The following NCAPD3 variants were observed in gnomAD, a reference collection of about 807,000 sequenced individuals.
NCAPD3 encodes the protein condensin-2 complex subunit D3.
Under a neutral mutation model 182.9 loss-of-function variants are expected in NCAPD3, and 105 were observed. The observed-to-expected ratio is 0.57, with a 90% CI of 0.49 to 0.68. The LOEUF is 0.68. Among genes scored for constraint, NCAPD3 ranks in the 30% least tolerant of loss-of-function variants. NCAPD3 has a pLI of 0.00. For missense variants in NCAPD3, 1,944 were observed against 1,837.0 expected, an observed-to-expected ratio of 1.06 and a Z score of -1.07; for synonymous variants, 815 against 679.9, an observed-to-expected ratio of 1.20 and a Z score of -3.09.
In NCAPD3 at chr11:134,152,674, G is replaced by T; in HGVS notation, c.*270C>A. ...GATTATAGCTTATCTGAATGGGCTT[G>T]ACACTTTCAAATGGAATAAAGTTAC... On this transcript the variant is annotated 3_prime_UTR_variant, in exon 35 of 35. Transcript: ENST00000534548. 3.0e-6 allele frequency: 1 copy of T among 336,566 alleles called. No homozygotes were observed. The highest frequency in any genetic ancestry group is 5.4e-6 in the Non-Finnish European group (1 of 186,794). 20.8% of individuals were successfully genotyped at this position (336,566 alleles called of 1,614,324 possible).
intron 24 of NCAPD3, among the ~76,000 whole-genome samples, chr11:134,174,126 C>T (rs1304622057): frequency 6.6e-6 from 1 of 152,014 alleles, no homozygotes; most frequent in Non-Finnish European, 1.5e-5. Context: ...TGTGGTGACT[C>T]AAGCCTGTAA....
chr11:134,199,857 A>G (rs1944714130), intron 13 of NCAPD3, among the ~76,000 whole-genome samples: 1 of 152,238 alleles, frequency 6.6e-6, no homozygotes. Flanking sequence ...AATCAACACA[A>G]TGTGGTACAT....
chr11:134,201,851 G>A (rs767477972), intron 13 of NCAPD3, among the ~76,000 whole-genome samples: 4 of 152,172 alleles, frequency 2.6e-5, no homozygotes, highest in Admixed American at 6.5e-5. Context: ...TGTAGTTATC[G>A]CTCTGAATTG....
chr11:134,194,516 T>C (rs932338171), intron 14 of NCAPD3, 149 bp downstream of exon 14: 18 of 530,038 alleles, frequency 3.4e-5, no homozygotes, highest in Admixed American at 1.1e-4. Flanking sequence ...AGTTCGTCTA[T>C]GATTCATATA....
intron 8 of NCAPD3, among the ~76,000 whole-genome samples, chr11:134,205,799 G>A (rs763457698): frequency 6.6e-6 from 1 of 152,180 alleles, no homozygotes; most frequent in South Asian, 2.1e-4. Flanking sequence ...CGAAACGATC[G>A]TGTTTTCACT....
chr11:134,163,273 CAA>C (rs1018337562), intron 27 of NCAPD3, among the ~76,000 whole-genome samples: 1 of 152,144 alleles, frequency 6.6e-6, no homozygotes, highest in Non-Finnish European at 1.5e-5. Flanking sequence ...TGAGCTTTGA[CAA>C]AAGTCTATAT....
intron 27 of NCAPD3, among the ~76,000 whole-genome samples, chr11:134,163,888 A>AAG (rs1555126946): frequency 3.3e-5 from 5 of 150,220 alleles, no homozygotes; most frequent in Admixed American, 6.6e-5. Context: ...AAAAAAAAAA[A>AAG]AAAAGAAAAA....
At chr11:134,179,164 C>T (rs1283377303) in intron 20 of NCAPD3, among the ~76,000 whole-genome samples, 1 of 152,140 alleles carries the variant, frequency 6.6e-6, no homozygotes, top group African/African-American at 2.4e-5. Flanking sequence ...AATCTAGACA[C>T]ATCTGCAAGT....
In NCAPD3 at chr11:134,223,937, C is replaced by T. The variant is rs111253809; in HGVS notation, c.-11G>A. 50 of 1,611,002 alleles carry T rather than the reference C, an allele frequency of 3.1e-5. No homozygotes were observed. Among genetic ancestry groups the T allele is most frequent in the East Asian group, 2.0e-4 (9 of 44,810 alleles). ...CCGCAACGCCACCATGATCCCAGGG[C>T]ACCGGCTCGCCGCCGCCGTGCTCAA... is the stretch of plus-strand genomic sequence containing the variant. On this transcript the variant is annotated 5_prime_UTR_variant, in exon 1 of 35. Transcript: ENST00000534548.
chr11:134,162,774 C>A (rs1308367777), intron 27 of NCAPD3, among the ~76,000 whole-genome samples: 2 of 152,212 alleles, frequency 1.3e-5, no homozygotes, highest in Non-Finnish European at 2.9e-5. Flanking sequence ...CCTTCTCTGT[C>A]CAGGCAAAGA....
chr11:134,156,031 G>C (rs1591818017), intron 32 of NCAPD3, among the ~76,000 whole-genome samples: 1 of 152,202 alleles, frequency 6.6e-6, no homozygotes, highest in Admixed American at 6.5e-5. Flanking sequence ...GTGACTAAAC[G>C]AACGGCAGGA....
chr11:134,158,293 G>C, intron 30 of NCAPD3, 36 bp downstream of exon 30: 1 of 1,610,972 alleles, frequency 6.2e-7, no homozygotes, highest in Non-Finnish European at 8.5e-7. Context: ...TCGCCACAGA[G>C]AACCAGCCCT....
chr11:134,169,141 G>A, intron 24 of NCAPD3, 87 bp from the exon 25 acceptor site: 3 of 1,368,126 alleles, frequency 2.2e-6, no homozygotes, highest in Non-Finnish European at 1.0e-6. Context: ...CTGAGCAGAG[G>A]AGAGCTGTAC....
At position 134,153,182 on chromosome 11, in the gene NCAPD3, C is replaced by T. The variant is rs140903243; in HGVS notation, c.4346G>A (p.Ser1449Asn). ...SSAKEKIEGR[S>N]QGNDILCLSL... is the part of the protein sequence containing the mutation. The stretch of plus-strand genomic sequence containing the variant: ...TAAACATAAGATGTCATTTCCTTGA[C>T]TCCGGCCTTCAATTTTCTCTAAAAG... Residue 1449 changes from serine (S) to asparagine (N), a missense_variant, in exon 34 of 35, where the codon AGT (serine) becomes AAT (asparagine). By Grantham distance (46) the Ser-to-Asn change is conservative. Coordinates refer to ENST00000534548, the MANE Select transcript of NCAPD3 (RefSeq NM_015261.3). 5.3e-5 allele frequency: 86 copies of T among 1,614,064 alleles called. No individual in the cohort carries two copies. The highest frequency in any genetic ancestry group is 7.2e-5 in the Non-Finnish European group (85 of 1,180,020).
Position 134,209,386 on chromosome 11 carries a change from A to G in NCAPD3, c.659T>C (p.Leu220Ser), listed in dbSNP as rs1175927879. 1 of 1,613,892 alleles carries G rather than the reference A, an allele frequency of 6.2e-7. No homozygotes were observed. Among genetic ancestry groups the G allele is most frequent in the Non-Finnish European group, 8.5e-7 (1 of 1,179,884 alleles). Reference protein sequence around the residue: ...SQIRNAIFHLLKNFLRLLPKF... With the variant: ...SQIRNAIFHLSKNFLRLLPKF... ...TGGCAGAAGCCTTAAAAAATTCTTT[A>G]AAAGGTGAAAGATGGCATTTCGAAT... The change falls in exon 5 of 35, where the codon TTA becomes TCA. Residue 220 changes from leucine (L) to serine (S), a missense_variant. By Grantham distance (145) the Leu-to-Ser change is moderately radical. Coordinates refer to ENST00000534548, the MANE Select transcript of NCAPD3 (RefSeq NM_015261.3).
At chr11:134,173,984 AAAAAC>A (rs995580520) in intron 24 of NCAPD3, among the ~76,000 whole-genome samples, 1 of 152,040 alleles carries the variant, frequency 6.6e-6, no homozygotes, top group African/African-American at 2.4e-5. Context: ...AAACAAACAA[AAAAAC>A]AAAACAAAAA....
chr11:134,164,029 T>G (rs974115148), intron 27 of NCAPD3, among the ~76,000 whole-genome samples: 1 of 152,096 alleles, frequency 6.6e-6, no homozygotes, highest in Non-Finnish European at 1.5e-5. Flanking sequence ...AGAGATAGAT[T>G]GGTAAGAGAA....
chr11:134,153,551 CTCTCTGACCCCCT>C (rs779924574), intron 32 of NCAPD3, 188 bp from the exon 33 acceptor site: 35 of 632,082 alleles, frequency 5.5e-5, no homozygotes, highest in Non-Finnish European at 8.7e-5. Context: ...TCCTTTCCGT[CTCTCTGACCCCCT>C]TCTCTGACCC....
At chr11:134,160,747 GA>G (rs144971332) in intron 28 of NCAPD3, among the ~76,000 whole-genome samples, 3,005 of 152,204 alleles carry the variant, frequency 0.02, 101 homozygotes, top group African/African-American at 0.069. Flanking sequence ...AACTGGGAGG[GA>G]AGTCTCAACA....
Sources: gnomAD v4.1 joint callset for allele counts (sites outside exome capture counted in the v4.1 genomes callset) on GRCh38, gnomAD v4.1.1 for gene constraint, MANE v1.5 for transcripts, NCBI Gene and HGNC (gene_info 2026-07-23, HGNC 2026-07-21) for gene names.